Variants in TRPC1 observed in about 807,000 individuals in gnomAD.
TRPC1 encodes short transient receptor potential channel 1.
In TRPC1, 42 loss-of-function variants were observed where a neutral mutation model predicts 88.2. The observed-to-expected ratio is 0.48, with a 90% CI of 0.37 to 0.62. The LOEUF (loss-of-function observed/expected upper bound fraction) is 0.62. TRPC1 is among the 20% of genes least tolerant of loss of function. The pLI is 0.00. For missense variants in TRPC1, 699 were observed against 957.3 expected (o/e 0.73, Z 3.56); for synonymous variants, 288 against 331.8 (o/e 0.87, Z 1.43).
chr3:142,754,794 G>T (rs1934900775), intron 4 of TRPC1, among the ~76,000 whole-genome samples: 1 of 152,150 alleles, frequency 6.6e-6, no homozygotes, highest in Non-Finnish European at 1.5e-5. Context: ...AATGGCTTGG[G>T]AGAGAGACTG....
chr3:142,738,995 G>A (rs938386234), intron 2 of TRPC1, among the ~76,000 whole-genome samples: 2 of 152,004 alleles, frequency 1.3e-5, no homozygotes, highest in Non-Finnish European at 2.9e-5. Context: ...TTTTGAGATG[G>A]AGTTTCGCTC....
intron 2 of TRPC1, 68 bp from the exon 3 acceptor site, chr3:142,743,417 A>G (rs1934426067): frequency 3.4e-6 from 4 of 1,181,708 alleles, no homozygotes; most frequent in Middle Eastern, 2.1e-4. Flanking sequence ...TTATTTATGA[A>G]TTAGTAAAAA....
rs1394972633 is a variant in TRPC1 at position 142,763,973 on chromosome 3, TATATATATATACACATACATACATAC to T, written c.633-13647_633-13622del. Among the ~76,000 whole-genome samples, 30 of 68,018 alleles carry T rather than the reference TATATATATATACACATACATACATAC, an allele frequency of 4.4e-4. 1 individual carries two copies. The highest frequency in any genetic ancestry group is 3.7e-3 in the African/African-American group (28 of 7,604). 44.6% of individuals were successfully genotyped at this position (68,018 alleles called of 152,430 possible). A position where few individuals can be genotyped will look rare whatever the true frequency, so the allele number is the denominator to read the frequency against. Reference sequence around the variant, plus strand: ...CAAAAAAAAGAAATATATATATATATATATATATATACACATACATACATACATATATATATATATATAACAAATTA... The same window carrying T: ...CAAAAAAAAGAAATATATATATATATATATATATATATATATAACAAATTA... On this transcript the variant is annotated intron_variant, in intron 4 of 12. Coordinates refer to ENST00000476941, the MANE Select transcript of TRPC1 (RefSeq NM_001251845.2).
At chr3:142,729,149 A>C (rs1933798736) in intron 1 of TRPC1, among the ~76,000 whole-genome samples, 1 of 152,252 alleles carries the variant, frequency 6.6e-6, no homozygotes, top group Non-Finnish European at 1.5e-5. Flanking sequence ...CGAAAGACTC[A>C]AATTGCGAAA....
intron 4 of TRPC1, among the ~76,000 whole-genome samples, chr3:142,770,287 G>C (rs982563979): frequency 6.6e-6 from 1 of 151,712 alleles, no homozygotes; most frequent in Non-Finnish European, 1.5e-5. Flanking sequence ...AGTAGAGATG[G>C]GGTTTCACTA....
chr3:142,775,738 A>G lies in TRPC1; in HGVS notation c.633-1894A>G, dbSNP rs371277360. Among the ~76,000 whole-genome samples the G allele has an allele frequency of 5.9e-5, 9 of 152,360 alleles. No individual in the cohort carries two copies. In the South Asian group the frequency reaches 1.0e-3, roughly 18 times the overall value. Reference sequence around the variant, plus strand: ...ATCATTACAAAAAATGGGCCAAAGAATATGAACAGGCAAGTTACAGAGGAA... The same window carrying G: ...ATCATTACAAAAAATGGGCCAAAGAGTATGAACAGGCAAGTTACAGAGGAA... On this transcript the variant is annotated intron_variant, in intron 4 of 12. Transcript: ENST00000476941.
At chr3:142,804,300 A>T (rs941552340) in intron 11 of TRPC1, 122 bp downstream of exon 11, 1 of 1,181,288 alleles carries the variant, frequency 8.5e-7, no homozygotes, top group African/African-American at 1.6e-5. Flanking sequence ...TAAATTAAAT[A>T]TAGATTTTTA....
intron 4 of TRPC1, among the ~76,000 whole-genome samples, chr3:142,756,887 C>T (rs1220336855): frequency 1.3e-5 from 2 of 152,110 alleles, no homozygotes; most frequent in East Asian, 1.9e-4. Flanking sequence ...CCCCTTCATA[C>T]ATCCCATTCT....
At chr3:142,735,367 T>C (rs915590756) in intron 1 of TRPC1, among the ~76,000 whole-genome samples, 5 of 152,232 alleles carry the variant, frequency 3.3e-5, no homozygotes, top group Admixed American at 1.3e-4. Context: ...TTTTCTATGC[T>C]GATTGTTCTT....
rs1321614443 is a variant in TRPC1 at position 142,725,060 on chromosome 3, GTCT to G, written c.172+333_172+335del. On this transcript the variant is annotated intron_variant, in intron 1 of 12. Coordinates refer to ENST00000476941, the MANE Select transcript of TRPC1 (RefSeq NM_001251845.2). ...TGCTACTGACCGCATGAATGACCTGGTCTTCTCTCTGGCTCGCAGTTCATTCCT... is the reference window on the plus strand; with the variant it reads ...TGCTACTGACCGCATGAATGACCTGGTCTCTCTGGCTCGCAGTTCATTCCT... Among the ~76,000 whole-genome samples the G allele has an allele frequency of 3.3e-5, 5 of 152,322 alleles. No homozygotes were observed. The South Asian group carries it at 8.3e-4, about 25-fold the overall frequency.
intron 4 of TRPC1, among the ~76,000 whole-genome samples, chr3:142,772,293 T>A (rs1295439254): frequency 1.3e-5 from 2 of 152,204 alleles, no homozygotes; most frequent in Non-Finnish European, 2.9e-5. Flanking sequence ...ATTATGAGTA[T>A]GTTGGTATGC....
At chr3:142,768,706 C>A (rs1374171750) in intron 4 of TRPC1, among the ~76,000 whole-genome samples, 1 of 151,810 alleles carries the variant, frequency 6.6e-6, no homozygotes, top group Admixed American at 6.6e-5. Context: ...AAAAAGTATA[C>A]CTTTCTATTT....
At chr3:142,763,064 T>C (rs951594316) in intron 4 of TRPC1, among the ~76,000 whole-genome samples, 1 of 152,214 alleles carries the variant, frequency 6.6e-6, no homozygotes, top group Non-Finnish European at 1.5e-5. Context: ...TGAATTTGTT[T>C]AGACTTGTTT....
chr3:142,805,968 C>A, intron 12 of TRPC1, 40 bp from the exon 13 acceptor site: 1 of 1,549,470 alleles, frequency 6.5e-7, no homozygotes, highest in Non-Finnish European at 8.8e-7. Flanking sequence ...ATTTAAATAT[C>A]GTTTCTGCAT....
At chr3:142,739,440 A>C (rs1156298069) in intron 2 of TRPC1, among the ~76,000 whole-genome samples, 1 of 152,198 alleles carries the variant, frequency 6.6e-6, no homozygotes, top group Non-Finnish European at 1.5e-5. Context: ...AAACATGTAA[A>C]GACAGGTAGG....
intron 1 of TRPC1, among the ~76,000 whole-genome samples, chr3:142,732,383 G>A (rs1246414050): frequency 6.6e-6 from 1 of 152,086 alleles, no homozygotes; most frequent in Non-Finnish European, 1.5e-5. Flanking sequence ...GGTCATCCTA[G>A]GGATCCGGCC....
chr3:142,735,792 G>T (rs1934112328), intron 1 of TRPC1, among the ~76,000 whole-genome samples: 1 of 152,054 alleles, frequency 6.6e-6, no homozygotes, highest in African/African-American at 2.4e-5. Flanking sequence ...GTGTGTGTGT[G>T]TTGGGAGGGT....
intron 4 of TRPC1, among the ~76,000 whole-genome samples, chr3:142,759,924 G>C (rs897812045): frequency 6.6e-6 from 1 of 152,028 alleles, no homozygotes; most frequent in Non-Finnish European, 1.5e-5. Flanking sequence ...GCGCGATCTC[G>C]GCTCACTGCA....
chr3:142,746,901 G>T (rs1458035564), intron 3 of TRPC1, among the ~76,000 whole-genome samples: 1 of 151,164 alleles, frequency 6.6e-6, no homozygotes, highest in Non-Finnish European at 1.5e-5. Flanking sequence ...TAATTCTGCT[G>T]CTGGGCTTTT....
Sources: allele counts gnomAD v4.1 joint callset (sites outside exome capture counted in the v4.1 genomes callset), GRCh38; gene constraint gnomAD v4.1.1; transcripts MANE v1.5; gene names NCBI Gene and HGNC (gene_info 2026-07-23, HGNC 2026-07-21).